CNTNAP5: variants seen among roughly 807,000 people sequenced by gnomAD.
CNTNAP5 encodes contactin associated protein family member 5, also known as contactin-associated protein-like 5.
In CNTNAP5, 72 loss-of-function variants were observed where a neutral mutation model predicts 150.2. The ratio of observed to expected loss-of-function variants is 0.48; its 90% CI spans 0.40 to 0.58. The LOEUF is 0.58. Ranked by LOEUF, CNTNAP5 falls within the 20% of genes least tolerant of loss-of-function variation. CNTNAP5 has a pLI of 0.00. For synonymous variants in CNTNAP5, 672 were observed against 619.8 expected (o/e 1.08, Z -1.25); for missense variants, 1,636 against 1,626.2 (o/e 1.01, Z -0.10).
intron 1 of CNTNAP5, among the ~76,000 whole-genome samples, chr2:124,059,106 T>A (rs555968702): frequency 1.2e-4 from 19 of 152,342 alleles, no homozygotes; most frequent in Non-Finnish European, 2.2e-4. Context: ...TACTTCTTCA[T>A]ATTTTAAGTC....
At chr2:124,402,324 G>A (rs1325426447) in intron 3 of CNTNAP5, among the ~76,000 whole-genome samples, 2 of 152,086 alleles carry the variant, frequency 1.3e-5, no homozygotes, top group Non-Finnish European at 2.9e-5. Flanking sequence ...CCCACTGAAG[G>A]GAATTTTTAC....
At chr2:124,212,911 T>C (rs1686055159) in intron 1 of CNTNAP5, among the ~76,000 whole-genome samples, 1 of 136,760 alleles carries the variant, frequency 7.3e-6, no homozygotes, top group South Asian at 2.4e-4. Context: ...CTATCTCTGC[T>C]CACTGAAAGC....
chr2:124,395,574 TAACTA>T (rs767222164), intron 3 of CNTNAP5, among the ~76,000 whole-genome samples: 4 of 152,060 alleles, frequency 2.6e-5, no homozygotes, highest in African/African-American at 4.8e-5. Flanking sequence ...AACTACAATT[TAACTA>T]AACATGTGGA....
chr2:124,857,404 GT>G (rs1358922411), intron 19 of CNTNAP5, among the ~76,000 whole-genome samples: 5 of 152,026 alleles, frequency 3.3e-5, no homozygotes, highest in Admixed American at 6.5e-5. Context: ...ATTTTCTGAG[GT>G]GTTACAGCCT....
chr2:124,106,714 G>A (rs1050425306), intron 1 of CNTNAP5, among the ~76,000 whole-genome samples: 2 of 152,162 alleles, frequency 1.3e-5, no homozygotes, highest in Admixed American at 6.5e-5. Context: ...GAGCCATTCT[G>A]GCAAATTATA....
At chr2:124,419,152 A>AAAAAAAAAAAAAAAAAAAAAAAAC (rs772412223) in intron 4 of CNTNAP5, among the ~76,000 whole-genome samples, 26 of 121,014 alleles carry the variant, frequency 2.1e-4, no homozygotes, top group African/African-American at 6.2e-4. Flanking sequence ...AAAAAAAAAA[A>AAAAAAAAAAAAAAAAAAAAAAAAC]AAAAAAAAAA....
At chr2:124,186,018 G>A (rs1685325399) in intron 1 of CNTNAP5, among the ~76,000 whole-genome samples, 1 of 152,188 alleles carries the variant, frequency 6.6e-6, no homozygotes, top group African/African-American at 2.4e-5. Context: ...GTATTGTATA[G>A]AGCAGCTATT....
chr2:124,784,381 A>G (rs981829915), intron 17 of CNTNAP5, among the ~76,000 whole-genome samples: 1 of 152,344 alleles, frequency 6.6e-6, no homozygotes, highest in Admixed American at 6.5e-5. Flanking sequence ...TCTGAAAGCA[A>G]TGAGCATTTG....
At chr2:124,679,940 T>C (rs942732538) in intron 13 of CNTNAP5, among the ~76,000 whole-genome samples, 4 of 151,732 alleles carry the variant, frequency 2.6e-5, no homozygotes, top group Admixed American at 2.0e-4. Flanking sequence ...ACATGGCTGT[T>C]TGTCTTCTCA....
intron 3 of CNTNAP5, among the ~76,000 whole-genome samples, chr2:124,396,677 C>T (rs1016062871): frequency 1.3e-5 from 2 of 151,932 alleles, no homozygotes; most frequent in African/African-American, 2.4e-5. Context: ...CTAGATGCTC[C>T]AGAAAGCCAT....
At chr2:124,746,472 G>C (rs1052812697) in intron 13 of CNTNAP5, among the ~76,000 whole-genome samples, 1 of 152,118 alleles carries the variant, frequency 6.6e-6, no homozygotes, top group Non-Finnish European at 1.5e-5. Context: ...GGTTTGTTTG[G>C]TCCACATATT....
At chr2:124,358,599 A>T (rs986241041) in intron 3 of CNTNAP5, among the ~76,000 whole-genome samples, 2 of 152,286 alleles carry the variant, frequency 1.3e-5, no homozygotes, top group African/African-American at 4.8e-5. Flanking sequence ...TATATGATGG[A>T]TTACATTTAC....
chr2:124,546,132 C>T (rs1695505946), intron 10 of CNTNAP5, among the ~76,000 whole-genome samples: 1 of 151,968 alleles, frequency 6.6e-6, no homozygotes, highest in African/African-American at 2.4e-5. Context: ...AAAAGACTGA[C>T]CCTGTGGATC....
chr2:124,568,962 G>A (rs1395941704), intron 11 of CNTNAP5, among the ~76,000 whole-genome samples: 2 of 152,160 alleles, frequency 1.3e-5, no homozygotes. Context: ...GCAGAAGAAT[G>A]GCATGAGCCT....
At chr2:124,226,454 G>C (rs571922052) in intron 2 of CNTNAP5, among the ~76,000 whole-genome samples, 19 of 152,120 alleles carry the variant, frequency 1.2e-4, no homozygotes, top group African/African-American at 4.3e-4. Context: ...TGGGTTATTT[G>C]TTTTTTTGCT....
At chr2:124,069,542 A>G (rs1233401519) in intron 1 of CNTNAP5, among the ~76,000 whole-genome samples, 1 of 152,064 alleles carries the variant, frequency 6.6e-6, no homozygotes, top group Non-Finnish European at 1.5e-5. Context: ...AGTGAGACCC[A>G]GTGCTGTGCT....
chr2:124,130,752 A>G (rs1393869842), intron 1 of CNTNAP5, among the ~76,000 whole-genome samples: 2 of 152,178 alleles, frequency 1.3e-5, no homozygotes, highest in Admixed American at 6.6e-5. Flanking sequence ...CTTTGAATAT[A>G]TGCCATACTA....
At chr2:124,122,957 T>C (rs772848947) in intron 1 of CNTNAP5, among the ~76,000 whole-genome samples, 2 of 152,008 alleles carry the variant, frequency 1.3e-5, no homozygotes, top group Non-Finnish European at 2.9e-5. Flanking sequence ...CAGTCCAAGA[T>C]GGCCAAATAG....
intron 11 of CNTNAP5, among the ~76,000 whole-genome samples, chr2:124,584,564 C>T (rs193283449): frequency 1.2e-4 from 19 of 152,236 alleles, no homozygotes; most frequent in Middle Eastern, 3.4e-3. Context: ...GATTTTTCAT[C>T]GTAAAATATC....
Sources: allele counts gnomAD v4.1 joint callset (sites outside exome capture counted in the v4.1 genomes callset), GRCh38; gene constraint gnomAD v4.1.1; transcripts MANE v1.5; gene names NCBI Gene and HGNC (gene_info 2026-07-23, HGNC 2026-07-21).